Variants in TMPRSS9 observed in about 807,000 individuals in gnomAD.
TMPRSS9 encodes the protein transmembrane protease serine 9.
TMPRSS9 carries 113 observed loss-of-function variants against 111.4 expected under a neutral mutation model. That is an observed-to-expected ratio of 1.01 (90% confidence interval 0.87 to 1.19). The LOEUF is 1.19. TMPRSS9 is among the 50% of genes most tolerant of loss of function. The pLI, the probability that TMPRSS9 is intolerant of heterozygous loss-of-function variation, is 0.00. For missense variants in TMPRSS9, 1,803 were observed against 1,513.1 expected, an observed-to-expected ratio of 1.19 and a Z score of -3.18; for synonymous variants, 805 against 659.1, an observed-to-expected ratio of 1.22 and a Z score of -3.39.
chr19:2,394,744 C>T (rs1715225679), intron 1 of TMPRSS9, among the ~76,000 whole-genome samples: 1 of 151,966 alleles, frequency 6.6e-6, no homozygotes, highest in Non-Finnish European at 1.5e-5. Context: ...TCACGGTTTA[C>T]GCGGTTGCTA....
chr19:2,414,185 TTTC>T, intron 10 of TMPRSS9, 167 bp downstream of exon 11: 1 of 698,304 alleles, frequency 1.4e-6, no homozygotes, highest in South Asian at 2.3e-5. Context: ...TCATGGTATC[TTTC>T]TGTCCACAGG....
chr19:2,424,033 C>A (rs903969075), intron 14 of TMPRSS9, 56 bp from the exon 16 acceptor site: 5 of 1,245,910 alleles, frequency 4.0e-6, no homozygotes, highest in African/African-American at 3.1e-5. Context: ...CCCAGGGGGG[C>A]CTTCGTGGAG....
At chr19:2,372,933 G>A (rs1180700305) in intron 1 of TMPRSS9, among the ~76,000 whole-genome samples, 1 of 152,148 alleles carries the variant, frequency 6.6e-6, no homozygotes, top group African/African-American at 2.4e-5. Context: ...GTGGGGACAA[G>A]TGATCTTCCT....
At chr19:2,390,304 G>C (rs1398509276) in intron 1 of TMPRSS9, among the ~76,000 whole-genome samples, 1 of 138,236 alleles carries the variant, frequency 7.2e-6, no homozygotes, top group Non-Finnish European at 1.5e-5. Flanking sequence ...GCAGTGGTGT[G>C]ATATCTCGGC....
chr19:2,399,205 G>A lies in TMPRSS9; in HGVS notation c.514+12G>A. 1.3e-6 allele frequency: 2 copies of A among 1,572,000 alleles called. No individual in the cohort carries two copies. Among genetic ancestry groups the A allele is most frequent in the Non-Finnish European group, 1.7e-6 (2 of 1,158,486 alleles). On this transcript the variant is annotated intron_variant, in intron 4 of 17. Coordinates refer to ENST00000648592, the Ensembl canonical transcript of TMPRSS9. ...GGCTGAGCTCACAGGTGAGTGGGCAGCCGAGACCGAAACCCCATCACGAGG... is the reference window on the plus strand; with the variant it reads ...GGCTGAGCTCACAGGTGAGTGGGCAACCGAGACCGAAACCCCATCACGAGG...
intron 4 of TMPRSS9, among the ~76,000 whole-genome samples, chr19:2,400,221 T>C (rs985912196): frequency 6.6e-6 from 1 of 152,242 alleles, no homozygotes; most frequent in Non-Finnish European, 1.5e-5. Flanking sequence ...TACTGTAGAA[T>C]CAAGGATAAA....
rs145298330 is a variant in TMPRSS9, at chr19:2,375,551, A to AG, written c.-25-14206dup. Among the ~76,000 whole-genome samples the AG allele has an allele frequency of 4.4e-3, 484 of 109,438 alleles. 1 individual carries two copies. Among genetic ancestry groups the AG allele is most frequent in the African/African-American group, 0.016 (296 of 18,982 alleles). The allele number at this position is 109,438 out of a possible 152,430, so 71.8% of individuals were successfully genotyped here. On this transcript the variant is annotated intron_variant, in intron 1 of 17. Coordinates refer to the TMPRSS9 transcript ENST00000649857. ...GTGGACCAATCACTGATGGGGATGG[A>AG]GGGGTGGGAACTGTGATTGGCAGGC...
chr19:2,425,010 A>T, exon 16 of TMPRSS9: 1 of 1,531,804 alleles, frequency 6.5e-7, no homozygotes, highest in Non-Finnish European at 8.7e-7. Flanking sequence ...AGCTACGGGG[A>T]CCCCAAGCAG....
intron 1 of TMPRSS9, among the ~76,000 whole-genome samples, chr19:2,379,670 T>TTTCTTTCTTTCTTTCC (rs1568170884): frequency 7.4e-5 from 11 of 149,090 alleles, no homozygotes; most frequent in African/African-American, 2.8e-4. Context: ...TCTTTCTTTC[T>TTTCTTTCTTTCTTTCC]TTCTTTCTCT....
chr19:2,416,950 G>C, intron 12 of TMPRSS9, 141 bp downstream of exon 13: 1 of 1,178,764 alleles, frequency 8.5e-7, no homozygotes, highest in Non-Finnish European at 1.2e-6. Context: ...CTTTGTCTTT[G>C]GTCCCGCTGC....
At chr19:2,415,937 C>A (rs1238041491) in intron 11 of TMPRSS9, 96 bp downstream of exon 12, 4 of 1,379,716 alleles carry the variant, frequency 2.9e-6, no homozygotes, top group Non-Finnish European at 3.8e-6. Context: ...TGCATGGACC[C>A]CACTGGGGAG....
chr19:2,405,458 C>T lies in TMPRSS9; in HGVS notation c.755C>T (p.Ala252Val), dbSNP rs117767265. 6.5e-3 allele frequency: 10,437 copies of T among 1,607,636 alleles called. 208 individuals carry two copies. In the East Asian group the frequency reaches 0.076, roughly 12 times the overall value. Residue 252 changes from alanine to valine, a missense_variant, in exon 7 of 18, where the codon GCC becomes GTC. Physicochemically the swap from Ala to Val is moderately conservative, Grantham distance 64. Coordinates refer to ENST00000648592, the Ensembl canonical transcript of TMPRSS9. ...TCCCCGGGGGAGTTTCCGTGGCAAGCCAGCCTTCGAGAGAACAAGGAGCAC... is the reference window on the plus strand; with the variant it reads ...TCCCCGGGGGAGTTTCCGTGGCAAGTCAGCCTTCGAGAGAACAAGGAGCAC...
chr19:2,398,684 C>T, intron 2 of TMPRSS9, 111 bp from the exon 4 acceptor site: 1 of 553,686 alleles, frequency 1.8e-6, no homozygotes, highest in Non-Finnish European at 2.9e-6. Context: ...GAAATGCTTT[C>T]CCATGGAACC....
At chr19:2,425,415 C>T in exon 17 of TMPRSS9, 2 of 1,579,482 alleles carry the variant, frequency 1.3e-6, no homozygotes, top group Non-Finnish European at 8.5e-7. Context: ...AGCAGACCTG[C>T]CGCCGCTTCT....
intron 14 of TMPRSS9, 109 bp from the exon 16 acceptor site, chr19:2,423,980 C>T (rs971837469): frequency 3.8e-5 from 45 of 1,173,246 alleles, no homozygotes; most frequent in Non-Finnish European, 4.7e-5. Flanking sequence ...CCCATCACAA[C>T]CTACTCCCTG....
intron 8 of TMPRSS9, 22 bp from the exon 10 acceptor site, chr19:2,410,235 CT>C: frequency 1.2e-6 from 2 of 1,613,010 alleles, no homozygotes; most frequent in Non-Finnish European, 1.7e-6. Flanking sequence ...TCTCACCCTG[CT>C]TTTCTCTCCC....
chr19:2,419,423 C>T (rs900069999), intron 13 of TMPRSS9, among the ~76,000 whole-genome samples: 18 of 151,504 alleles, frequency 1.2e-4, no homozygotes, highest in East Asian at 9.8e-4. Flanking sequence ...AGGATGGTCT[C>T]GATCTCCTGA....
At chr19:2,390,489 C>T (rs1226518262) in intron 1 of TMPRSS9, among the ~76,000 whole-genome samples, 4 of 149,452 alleles carry the variant, frequency 2.7e-5, no homozygotes, top group Admixed American at 6.6e-5. Flanking sequence ...ATGATCCGCC[C>T]GCCTCAGCCT....
At chr19:2,397,046 G>A (rs910841194) in intron 2 of TMPRSS9, among the ~76,000 whole-genome samples, 2 of 151,690 alleles carry the variant, frequency 1.3e-5, no homozygotes, top group African/African-American at 4.8e-5. Context: ...TCAGCCTCCC[G>A]AGTAGCTGGG....
Sources: gnomAD v4.1 joint callset for allele counts (sites outside exome capture counted in the v4.1 genomes callset) on GRCh38, gnomAD v4.1.1 for gene constraint, MANE v1.5 for transcripts, NCBI Gene and HGNC (gene_info 2026-07-23, HGNC 2026-07-21) for gene names.